The following ATP8A2 variants were observed in gnomAD, a reference collection of about 807,000 sequenced individuals.
ATP8A2 encodes the protein ATPase phospholipid transporting 8A2.
ATP8A2 carries 100 observed loss-of-function variants against 165.6 expected under a neutral mutation model. The ratio of observed to expected loss-of-function variants is 0.60; its 90% CI spans 0.51 to 0.71. The LOEUF is 0.71. Among genes scored for constraint, ATP8A2 ranks in the 30% least tolerant of loss-of-function variants. ATP8A2 has a pLI of 0.00. For synonymous variants in ATP8A2, 543 were observed against 548.8 expected, an observed-to-expected ratio of 0.99 and a Z score of 0.15; for missense variants, 1,227 against 1,479.5, an observed-to-expected ratio of 0.83 and a Z score of 2.80.
At chr13:25,895,593 G>T (rs1317323469) in intron 33 of ATP8A2, among the ~76,000 whole-genome samples, 1 of 152,076 alleles carries the variant, frequency 6.6e-6, no homozygotes, top group South Asian at 2.1e-4. Context: ...GATTGGAATA[G>T]TTTCAGAAGG....
At chr13:25,612,056 T>C (rs766462627) in intron 24 of ATP8A2, among the ~76,000 whole-genome samples, 2 of 152,206 alleles carry the variant, frequency 1.3e-5, no homozygotes, top group African/African-American at 4.8e-5. Flanking sequence ...GAGAATGGTC[T>C]ATCAATTTTA....
At chr13:25,831,934 CTTTATTTTTT>C (rs1951485997) in intron 28 of ATP8A2, among the ~76,000 whole-genome samples, 4 of 151,364 alleles carry the variant, frequency 2.6e-5, no homozygotes, top group African/African-American at 4.8e-5. Flanking sequence ...TAGTCAATTT[CTTTATTTTTT>C]TTTATTTTTT....
chr13:25,543,035 A>G (rs2038532740), intron 9 of ATP8A2, among the ~76,000 whole-genome samples: 1 of 152,178 alleles, frequency 6.6e-6, no homozygotes, highest in African/African-American at 2.4e-5. Context: ...CAGGATCATG[A>G]GAGATATAAT....
At chr13:25,924,788 A>C (rs1027183640) in intron 33 of ATP8A2, among the ~76,000 whole-genome samples, 4 of 152,188 alleles carry the variant, frequency 2.6e-5, no homozygotes, top group Non-Finnish European at 5.9e-5. Flanking sequence ...TAATTGAATC[A>C]TGGGGGTAGG....
rs143363019 is a variant in ATP8A2, at chr13:25,828,452, T to C, written c.2754+260T>C. 2.1e-3 allele frequency among the ~76,000 whole-genome samples: 316 copies of C among 152,370 alleles called. 2 individuals carry two copies. Among genetic ancestry groups the C allele is most frequent in the African/African-American group, 7.4e-3 (308 of 41,600 alleles). On this transcript the variant is annotated intron_variant, in intron 28 of 36. Coordinates refer to ENST00000381655, the MANE Select transcript of ATP8A2 (RefSeq NM_016529.6). ...CCCATATATCTTGATAATAGACCCT[T>C]GTTACCCCCTTACTACATGCCTGTG... is the stretch of plus-strand genomic sequence containing the variant.
intron 1 of ATP8A2, among the ~76,000 whole-genome samples, chr13:25,384,022 C>T (rs1441610532): frequency 6.6e-6 from 1 of 152,102 alleles, no homozygotes; most frequent in East Asian, 1.9e-4. Flanking sequence ...TGTGAGTGGC[C>T]ATCTGTCTTA....
chr13:25,812,106 G>A lies in ATP8A2; in HGVS notation c.2680-16012G>A, dbSNP rs181740917. On this transcript the variant is annotated intron_variant, in intron 27 of 36. Transcript: ENST00000381655. The stretch of plus-strand genomic sequence containing the variant: ...AACCTCTTTAAATTACGTAAATAAT[G>A]TTCATTGTAGGGCTAAAAAGTATGA... Among the ~76,000 whole-genome samples, 325 of 151,670 alleles carry A rather than the reference G, an allele frequency of 2.1e-3. 1 individual carries two copies. Among genetic ancestry groups the A allele is most frequent in the African/African-American group, 7.6e-3 (316 of 41,330 alleles).
chr13:25,485,720 T>G (rs1337651625), intron 2 of ATP8A2, among the ~76,000 whole-genome samples: 2 of 152,242 alleles, frequency 1.3e-5, no homozygotes, highest in Non-Finnish European at 2.9e-5. Flanking sequence ...AACAAAACGT[T>G]AATTCTCACA....
At chr13:25,395,725 T>TGGGGGGATGG (rs1007209613) in intron 1 of ATP8A2, among the ~76,000 whole-genome samples, 1 of 152,134 alleles carries the variant, frequency 6.6e-6, no homozygotes, top group Non-Finnish European at 1.5e-5. Context: ...TTTGTAGAGA[T>TGGGGGGATGG]GGGGTCTTGC....
At chr13:25,677,674 G>T (rs1177710305) in intron 24 of ATP8A2, among the ~76,000 whole-genome samples, 2 of 152,194 alleles carry the variant, frequency 1.3e-5, no homozygotes, top group Non-Finnish European at 2.9e-5. Context: ...AGGACAACGG[G>T]AGAGAGATAG....
chr13:25,763,190 C>T (rs1422834597), intron 25 of ATP8A2, among the ~76,000 whole-genome samples: 5 of 152,174 alleles, frequency 3.3e-5, no homozygotes, highest in African/African-American at 1.2e-4. Flanking sequence ...TGCACGTAGT[C>T]ACTCTGAAAC....
At chr13:25,805,650 T>A (rs951700106) in intron 27 of ATP8A2, among the ~76,000 whole-genome samples, 5 of 152,252 alleles carry the variant, frequency 3.3e-5, no homozygotes, top group African/African-American at 1.2e-4. Context: ...AAGCAGTGCA[T>A]ATATAGTCTC....
intron 33 of ATP8A2, among the ~76,000 whole-genome samples, chr13:25,914,126 A>G (rs1954200100): frequency 6.6e-6 from 1 of 152,074 alleles, no homozygotes; most frequent in African/African-American, 2.4e-5. Context: ...TTTCTTGCCT[A>G]GTTCCCTCTT....
intron 25 of ATP8A2, among the ~76,000 whole-genome samples, chr13:25,762,542 C>T (rs1195472838): frequency 6.6e-6 from 1 of 152,144 alleles, no homozygotes; most frequent in Non-Finnish European, 1.5e-5. Flanking sequence ...TAATAGCCTG[C>T]TCCTAGGTCT....
intron 2 of ATP8A2, among the ~76,000 whole-genome samples, chr13:25,472,393 CA>C (rs71186886): frequency 0.01 from 978 of 93,744 alleles, 4 homozygotes; most frequent in South Asian, 0.028. Flanking sequence ...GACTCCGTCT[CA>C]AAAAAAAAAA....
At chr13:25,715,393 A>T (rs1360034907) in intron 25 of ATP8A2, among the ~76,000 whole-genome samples, 4 of 152,238 alleles carry the variant, frequency 2.6e-5, no homozygotes, top group Non-Finnish European at 5.9e-5. Context: ...CAATTCAATC[A>T]AATTAGTATA....
intron 25 of ATP8A2, among the ~76,000 whole-genome samples, chr13:25,720,928 A>G (rs1427482104): frequency 1.3e-5 from 2 of 150,874 alleles, no homozygotes; most frequent in Non-Finnish European, 2.9e-5. Context: ...GAGAGGCCTC[A>G]GCTCTGACTG....
At chr13:25,975,523 G>A (rs9507615) in intron 35 of ATP8A2, among the ~76,000 whole-genome samples, 53,106 of 151,578 alleles carry the variant, frequency 0.35, 9,857 homozygotes, top group Non-Finnish European at 0.41. Context: ...CGGAGCTTGC[G>A]GTGAGCCGAG....
intron 33 of ATP8A2, among the ~76,000 whole-genome samples, chr13:25,866,275 A>G (rs1401372867): frequency 6.6e-6 from 1 of 152,196 alleles, no homozygotes; most frequent in Non-Finnish European, 1.5e-5. Context: ...TTTTACTTGC[A>G]TTAATCTCCT....
Sources: gnomAD v4.1 joint callset for allele counts (sites outside exome capture counted in the v4.1 genomes callset) on GRCh38, gnomAD v4.1.1 for gene constraint, MANE v1.5 for transcripts, NCBI Gene and HGNC (gene_info 2026-07-23, HGNC 2026-07-21) for gene names.